Variants in CROCC2 observed in about 807,000 individuals in gnomAD.
The protein encoded by CROCC2 is ciliary rootlet coiled-coil protein 2.
In CROCC2, 163 loss-of-function variants were observed where a neutral mutation model predicts 177.6. The observed-to-expected ratio is 0.92, with a 90% CI of 0.81 to 1.05. CROCC2 has a LOEUF of 1.05. Among genes scored for constraint, CROCC2 ranks in the 50% least tolerant of loss-of-function variants. CROCC2 has a pLI of 0.00. For synonymous variants in CROCC2, 904 were observed against 787.3 expected, an observed-to-expected ratio of 1.15 and a Z score of -2.48; for missense variants, 1,929 against 1,797.8, an observed-to-expected ratio of 1.07 and a Z score of -1.32.
intron 2 of CROCC2, among the ~76,000 whole-genome samples, chr2:240,919,622 G>T (rs2059344880): frequency 6.6e-6 from 1 of 152,122 alleles, no homozygotes; most frequent in Non-Finnish European, 1.5e-5. Flanking sequence ...CGGGGACCAG[G>T]TCCCTTCCCC....
chr2:240,958,276 C>T lies in CROCC2; in HGVS notation c.2944-1025C>T. ...TCACAGGGGTATCCTGCAGCCAGGCCTCAGGGGCACCCATCACTGGCAGTG... is the reference window on the plus strand; with the variant it reads ...TCACAGGGGTATCCTGCAGCCAGGCTTCAGGGGCACCCATCACTGGCAGTG... On this transcript the variant is annotated intron_variant, in intron 19 of 31. Transcript: ENST00000690015. The surrounding 1 kb of genome is among the most constrained non-coding windows in gnomAD (Gnocchi z 6.7). 1 of 817,204 alleles carries T rather than the reference C, an allele frequency of 1.2e-6. No homozygotes were observed. The highest frequency in any genetic ancestry group is 1.9e-5 in the African/African-American group (1 of 53,962). 50.6% of individuals were successfully genotyped at this position (817,204 alleles called of 1,614,324 possible).
At chr2:240,935,765 T>C (rs1574761639) in intron 14 of CROCC2, among the ~76,000 whole-genome samples, 177 bp downstream of exon 14, 1 of 147,478 alleles carries the variant, frequency 6.8e-6, no homozygotes, top group South Asian at 2.1e-4. Context: ...AGGGGGAAGG[T>C]ATGCAGAGAA....
chr2:240,971,974 A>T (rs992817740), intron 27 of CROCC2, among the ~76,000 whole-genome samples: 8 of 150,806 alleles, frequency 5.3e-5, no homozygotes, highest in African/African-American at 1.7e-4. Context: ...CCACCTCAAG[A>T]CCCCTGCCCT....
intron 14 of CROCC2, among the ~76,000 whole-genome samples, chr2:240,941,225 G>A (rs2059492968): frequency 6.6e-6 from 1 of 152,136 alleles, no homozygotes; most frequent in Non-Finnish European, 1.5e-5. Flanking sequence ...TCATGGACGA[G>A]TAGAATCAAT....
intron 24 of CROCC2, 47 bp downstream of exon 24, chr2:240,966,040 C>G: frequency 1.5e-6 from 2 of 1,313,896 alleles, no homozygotes; most frequent in Non-Finnish European, 1.9e-6. Flanking sequence ...CCAGCTCAGT[C>G]CCTGGCCTGG....
At chr2:240,946,911 G>A (rs2059527737) in intron 15 of CROCC2, among the ~76,000 whole-genome samples, 1 of 152,284 alleles carries the variant, frequency 6.6e-6, no homozygotes, top group Non-Finnish European at 1.5e-5. Context: ...ATGAGGTGGA[G>A]AGTGTGGGCG....
intron 14 of CROCC2, among the ~76,000 whole-genome samples, chr2:240,936,504 T>G (rs1336300044): frequency 1.3e-5 from 2 of 152,206 alleles, no homozygotes. Flanking sequence ...ATACATGTTG[T>G]TCAGTGTATC....
chr2:240,974,348 T>C (rs943729983), intron 27 of CROCC2, among the ~76,000 whole-genome samples: 4 of 29,020 alleles, frequency 1.4e-4, no homozygotes, highest in African/African-American at 4.3e-4. Context: ...TTTAGTTTAC[T>C]TTTTTTTTTT....
At chr2:240,927,235 C>T (rs1207421740) in intron 5 of CROCC2, among the ~76,000 whole-genome samples, 1 of 152,182 alleles carries the variant, frequency 6.6e-6, no homozygotes, top group South Asian at 2.1e-4. Flanking sequence ...ACCCCTGCTC[C>T]GACTTGTTGT....
intron 18 of CROCC2, among the ~76,000 whole-genome samples, chr2:240,952,737 C>T (rs1395234717): frequency 1.3e-5 from 2 of 152,156 alleles, no homozygotes; most frequent in Admixed American, 1.3e-4. Flanking sequence ...CCTTGGGCGC[C>T]AGCATCAGGT....
chr2:240,963,505 C>A, intron 20 of CROCC2, 51 bp from the exon 21 acceptor site: 1 of 1,460,284 alleles, frequency 6.8e-7, no homozygotes, highest in Non-Finnish European at 9.1e-7. Flanking sequence ...TGTGGCTATC[C>A]CTGGAGCAGT....
At position 240,930,283 on chromosome 2, in the gene CROCC2, G is replaced by A. The variant is rs972537065; in HGVS notation, c.749+14G>A. Reference sequence around the variant, plus strand: ...AGCCACTGAGAGGTGAGTGCCAGCCGCCCCACCTGGGGCCAGGCACCAGGC... The same window carrying A: ...AGCCACTGAGAGGTGAGTGCCAGCCACCCCACCTGGGGCCAGGCACCAGGC... On this transcript the variant is annotated intron_variant, in intron 6 of 31. Coordinates refer to ENST00000690015, the MANE Select transcript of CROCC2 (RefSeq NM_001351305.2). 1.8e-5 allele frequency: 9 copies of A among 501,814 alleles called. No homozygotes were observed. The highest frequency in any genetic ancestry group is 1.4e-4 in the African/African-American group (7 of 49,946). 31.1% of individuals were successfully genotyped at this position (501,814 alleles called of 1,614,324 possible).
intron 14 of CROCC2, among the ~76,000 whole-genome samples, chr2:240,939,407 T>A (rs1163628284): frequency 2.0e-5 from 3 of 152,180 alleles, no homozygotes; most frequent in African/African-American, 7.2e-5. Flanking sequence ...ATAAATATTT[T>A]GTTAAAGATT....
rs1334868866 is a variant in CROCC2 at position 240,946,302 on chromosome 2, CAG to C, written c.2363+54_2363+55del. 9 of 1,471,726 alleles carry C rather than the reference CAG, an allele frequency of 6.1e-6. 1 individual carries two copies. The highest frequency in any genetic ancestry group is 2.7e-5 in the South Asian group (2 of 75,424). 91.2% of individuals were successfully genotyped at this position (1,471,726 alleles called of 1,614,324 possible). A position where few individuals can be genotyped will look rare whatever the true frequency, so the allele number is the denominator to read the frequency against. ...GGCATGTCCCACGTGTCCTTGCCCA[CAG>C]AGAGTCTGCAGTGTGGCAGGGTATG... is the stretch of plus-strand genomic sequence containing the variant. On this transcript the variant is annotated intron_variant, in intron 15 of 31. Transcript: ENST00000690015.
Position 240,993,135 on chromosome 2 carries a change from C to T in CROCC2, c.*54C>T. On this transcript the variant is annotated 3_prime_UTR_variant, in exon 32 of 32. Transcript: ENST00000690015. ...GTGGCTGCAGAGGAAGGGAACGCACCGCAGGTGGGAGGGGCCCAGCTGATT... is the reference window on the plus strand; with the variant it reads ...GTGGCTGCAGAGGAAGGGAACGCACTGCAGGTGGGAGGGGCCCAGCTGATT... 6 of 712,328 alleles carry T rather than the reference C, an allele frequency of 8.4e-6. No individual in the cohort carries two copies. Among genetic ancestry groups the T allele is most frequent in the East Asian group, 5.4e-5 (2 of 37,040 alleles). 44.1% of individuals were successfully genotyped at this position (712,328 alleles called of 1,614,324 possible).
chr2:240,935,735 C>A, intron 14 of CROCC2, 147 bp downstream of exon 14: 1 of 563,072 alleles, frequency 1.8e-6, no homozygotes, highest in Non-Finnish European at 2.8e-6. Flanking sequence ...CAGTGCTGGC[C>A]TCCCCGTGGG....
Position 240,972,424 on chromosome 2 carries a change from G to A in CROCC2, c.4401+4162G>A, listed in dbSNP as rs1048942138. ...CACCTCCCCAGCTGCTTGCCTCACA[G>A]GGATGGAGGGCTCCCCGGGTCCCCC... is the stretch of plus-strand genomic sequence containing the variant. On this transcript the variant is annotated intron_variant, in intron 27 of 31. Transcript: ENST00000690015. The surrounding 1 kb of genome is among the most constrained non-coding windows in gnomAD (Gnocchi z 7.1). Among the ~76,000 whole-genome samples, 3 of 152,094 alleles carry A rather than the reference G, an allele frequency of 2.0e-5. No individual in the cohort carries two copies. The highest frequency in any genetic ancestry group is 4.1e-4 in the South Asian group (2 of 4,828).
At chr2:240,988,993 G>C in intron 29 of CROCC2, 123 bp downstream of exon 29, 1 of 1,080,524 alleles carries the variant, frequency 9.3e-7, no homozygotes, top group South Asian at 3.1e-5. Flanking sequence ...TGCACACATG[G>C]GGAGGGTGGC....
At chr2:240,934,884 G>T (rs1343104900) in intron 12 of CROCC2, 32 bp from the exon 13 acceptor site, 65 of 1,462,948 alleles carry the variant, frequency 4.4e-5, no homozygotes, top group Non-Finnish European at 5.3e-5. Context: ...GAAGCTGAAG[G>T]TCCCTCCCTG....
Sources: gnomAD v4.1 joint callset for allele counts (sites outside exome capture counted in the v4.1 genomes callset) on GRCh38, gnomAD v4.1.1 for gene constraint, Gnocchi (gnomAD v3.1) non-coding constraint, MANE v1.5 for transcripts, NCBI Gene and HGNC (gene_info 2026-07-23, HGNC 2026-07-21) for gene names.